The following XAB2 variants were observed in gnomAD, a reference collection of about 807,000 sequenced individuals.
XAB2 encodes the protein pre-mRNA-splicing factor SYF1.
XAB2 carries 57 observed loss-of-function variants against 113.4 expected under a neutral mutation model. The ratio of observed to expected loss-of-function variants is 0.50; its 90% CI spans 0.41 to 0.63. The LOEUF is 0.63. XAB2 is among the 20% of genes least tolerant of loss of function. The pLI, the probability that XAB2 is intolerant of heterozygous loss-of-function variation, is 0.00. For missense variants in XAB2, 1,037 were observed against 1,233.3 expected, an observed-to-expected ratio of 0.84 and a Z score of 2.38; for synonymous variants, 497 against 498.8, an observed-to-expected ratio of 1.00 and a Z score of 0.05.
chr19:7,627,678 C>T lies in XAB2; in HGVS notation c.324+50G>A, dbSNP rs780306112. ...GCCCCTGTCCCCGCCCCACCCACCA[C>T]CATGGACTGAGCTCCACTTCCCGAT... On this transcript the variant is annotated intron_variant, in intron 3 of 18. Coordinates refer to ENST00000358368, the MANE Select transcript of XAB2 (RefSeq NM_020196.3). This position sits in a 1 kb window ranked among gnomAD's most constrained non-coding sequence, Gnocchi z 4.5. 3.7e-6 allele frequency: 6 copies of T among 1,607,456 alleles called. No homozygotes were observed. Among genetic ancestry groups the T allele is most frequent in the African/African-American group, 1.3e-5 (1 of 74,800 alleles).
Position 7,623,403 on chromosome 19 carries a change from A to T in XAB2, c.1120-114T>A. 1 of 1,413,856 alleles carries T rather than the reference A, an allele frequency of 7.1e-7. No homozygotes were observed. Among genetic ancestry groups the T allele is most frequent in the Non-Finnish European group, 9.6e-7 (1 of 1,038,470 alleles). The allele number at this position is 1,413,856 out of a possible 1,614,324, so 87.6% of individuals were successfully genotyped here. A position where few individuals can be genotyped will look rare whatever the true frequency, so the allele number is the denominator to read the frequency against. On this transcript the variant is annotated intron_variant, in intron 8 of 18. Coordinates refer to ENST00000358368, the MANE Select transcript of XAB2 (RefSeq NM_020196.3). This position sits in a 1 kb window ranked among gnomAD's most constrained non-coding sequence, Gnocchi z 4.6. ...GGAGGGTGCTGTGGCCCCTGTCGGG[A>T]GAGGCCAGAAACGAACTATGGCCCT...
chr19:7,628,145 C>T lies in XAB2; in HGVS notation c.200+5G>A, dbSNP rs1430609761. ...GGTGGGCAGGGCAGCTGGAGCCATT[C>T]CCACCTGCAGGGCAGCAGCTTGAGT... On this transcript the variant is annotated splice_donor_5th_base_variant and intron_variant, in intron 2 of 18. Coordinates refer to ENST00000358368, the MANE Select transcript of XAB2 (RefSeq NM_020196.3). The surrounding 1 kb of genome is among the most constrained non-coding windows in gnomAD (Gnocchi z 4.6). 6.2e-7 allele frequency: 1 copy of T among 1,610,844 alleles called. No individual in the cohort carries two copies. Among genetic ancestry groups the T allele is most frequent in the Middle Eastern group, 1.7e-4 (1 of 5,756 alleles).
In XAB2 at chr19:7,619,537, G is replaced by GT. The variant is rs2030977987; in HGVS notation, c.*48dup. 8.1e-6 allele frequency: 11 copies of GT among 1,364,720 alleles called. No individual in the cohort carries two copies. The highest frequency in any genetic ancestry group is 1.1e-5 in the Non-Finnish European group (11 of 1,019,458). 84.5% of individuals were successfully genotyped at this position (1,364,720 alleles called of 1,614,324 possible). The stretch of plus-strand genomic sequence containing the variant: ...GAGGCTCAGACCATGATGTACAAAC[G>GT]TAGCTGTATTGGGGAGGGGGTGGGG... On this transcript the variant is annotated 3_prime_UTR_variant, in exon 19 of 19. Coordinates refer to ENST00000358368, the MANE Select transcript of XAB2 (RefSeq NM_020196.3).
In XAB2 at chr19:7,621,013, G is replaced by A. The variant is rs1246140131; in HGVS notation, c.1804C>T (p.Leu602=). Reference sequence around the variant, plus strand: ...CGGGCCAGGCCCCACTCCTCCTCCAGCTGTGCGTACAGCAGGTACAAGGCT... The same window carrying A: ...CGGGCCAGGCCCCACTCCTCCTCCAACTGTGCGTACAGCAGGTACAAGGCT... ...AKTLYLLYAQ[L]EEEWGLARHA... Residue 602 remains leucine, a synonymous_variant, in exon 14 of 19, where the codon CTG becomes TTG. Transcript: ENST00000358368. 1.9e-6 allele frequency: 3 copies of A among 1,561,020 alleles called. No homozygotes were observed. The highest frequency in any genetic ancestry group is 1.7e-6 in the Non-Finnish European group (2 of 1,154,528).
At position 7,628,957 on chromosome 19, in the gene XAB2, G is replaced by A. The variant is rs2031200393; in HGVS notation, c.51+520C>T. Among the ~76,000 whole-genome samples the A allele has an allele frequency of 6.6e-6, 1 of 152,150 alleles. No homozygotes were observed. The highest frequency in any genetic ancestry group is 6.5e-5 in the Admixed American group (1 of 15,282). Reference sequence around the variant, plus strand: ...ACCAAGAATCTGGTGAAGATGTCACGCCTCTACTCCAGAGAGTAAGTATTT... The same window carrying A: ...ACCAAGAATCTGGTGAAGATGTCACACCTCTACTCCAGAGAGTAAGTATTT... On this transcript the variant is annotated intron_variant, in intron 1 of 18. Coordinates refer to ENST00000358368, the MANE Select transcript of XAB2 (RefSeq NM_020196.3). This position sits in a 1 kb window ranked among gnomAD's most constrained non-coding sequence, Gnocchi z 4.6.
At position 7,627,414 on chromosome 19, in the gene XAB2, G is replaced by A; in HGVS notation, c.351C>T (p.Cys117=). Residue 117 remains cysteine (C), a synonymous_variant, in exon 4 of 19, where the codon TGC becomes TGT. Coordinates refer to ENST00000358368, the MANE Select transcript of XAB2 (RefSeq NM_020196.3). This position sits in a 1 kb window ranked among gnomAD's most constrained non-coding sequence, Gnocchi z 4.5. ...HKMPRLWLDY[C]QFLMDQGRVT... is the part of the protein sequence containing the mutation. ...CGCGCCCCTGGTCCATGAGGAACTG[G>A]CAGTAATCTAGCCACAGACGAGGCA... The A allele has an allele frequency of 6.2e-7, 1 of 1,605,820 alleles. No homozygotes were observed. Among genetic ancestry groups the A allele is most frequent in the East Asian group, 2.2e-5 (1 of 44,580 alleles).
rs748803603 is a variant in XAB2 at position 7,623,091 on chromosome 19, T to G, written c.1239+79A>C. On this transcript the variant is annotated intron_variant, in intron 9 of 18. Coordinates refer to ENST00000358368, the MANE Select transcript of XAB2 (RefSeq NM_020196.3). The surrounding 1 kb of genome is among the most constrained non-coding windows in gnomAD (Gnocchi z 4.6). ...ACGTGCACACATCCATGCACAAATA[T>G]GTACACACACATACATGCACACATA... 167 of 1,586,830 alleles carry G rather than the reference T, an allele frequency of 1.1e-4. No homozygotes were observed. Among genetic ancestry groups the G allele is most frequent in the Non-Finnish European group, 1.4e-4 (160 of 1,166,088 alleles).
chr19:7,623,080 A>G lies in XAB2; in HGVS notation c.1239+90T>C. 2.5e-6 allele frequency: 4 copies of G among 1,578,374 alleles called. No individual in the cohort carries two copies. The highest frequency in any genetic ancestry group is 3.4e-6 in the Non-Finnish European group (4 of 1,161,870). Reference sequence around the variant, plus strand: ...CATGCACACACACGTGCACACATCCATGCACAAATATGTACACACACATAC... The same window carrying G: ...CATGCACACACACGTGCACACATCCGTGCACAAATATGTACACACACATAC... On this transcript the variant is annotated intron_variant, in intron 9 of 18. Transcript: ENST00000358368. This position sits in a 1 kb window ranked among gnomAD's most constrained non-coding sequence, Gnocchi z 4.6.
chr19:7,627,435 A>G lies in XAB2; in HGVS notation c.330T>C (p.Pro110=), dbSNP rs1326788503. The change falls in exon 4 of 19, where the codon CCT becomes CCC. Residue 110 remains proline, a synonymous_variant. Transcript: ENST00000358368. This position sits in a 1 kb window ranked among gnomAD's most constrained non-coding sequence, Gnocchi z 4.5. ...ERAFVFMHKM[P]RLWLDYCQFL... is the part of the protein sequence containing the mutation. ...ACTGGCAGTAATCTAGCCACAGACG[A>G]GGCATCTGGGGGTGTGGGGAGAGGC... is the stretch of plus-strand genomic sequence containing the variant. The G allele has an allele frequency of 6.2e-7, 1 of 1,604,292 alleles. No homozygotes were observed. The highest frequency in any genetic ancestry group is 8.5e-7 in the Non-Finnish European group (1 of 1,176,622).
Position 7,623,742 on chromosome 19 carries a change from G to A in XAB2, c.1108C>T (p.Arg370Cys), listed in dbSNP as rs765190487. Residue 370 changes from arginine (R) to cysteine (C), a missense_variant, in exon 8 of 19, where the codon CGC becomes TGC. Physicochemically the swap from Arg to Cys is radical, Grantham distance 180 (BLOSUM62 -3). Transcript: ENST00000358368. The surrounding 1 kb of genome is among the most constrained non-coding windows in gnomAD (Gnocchi z 4.6). ...CAGGCTTCATGTACCTCCCGGGGGC[G>A]GCCCTGGTGCAGGGCGACACGCTTG... is the stretch of plus-strand genomic sequence containing the variant. ...WHKRVALHQG[R>C]PREIINTYTE... The A allele has an allele frequency of 8.7e-6, 14 of 1,603,588 alleles. No homozygotes were observed. The highest frequency in any genetic ancestry group is 2.2e-5 in the South Asian group (2 of 90,228).
rs764592634 is a variant in XAB2 at position 7,622,816 on chromosome 19, G to A, written c.1317C>T (p.Cys439=). 26 of 1,613,928 alleles carry A rather than the reference G, an allele frequency of 1.6e-5. No homozygotes were observed. The highest frequency in any genetic ancestry group is 1.6e-4 in the Middle Eastern group (1 of 6,084). The change falls in exon 10 of 19, where the codon TGC becomes TGT. Residue 439 remains cysteine (C), a synonymous_variant. Coordinates refer to ENST00000358368, the MANE Select transcript of XAB2 (RefSeq NM_020196.3). ...TCTCGTGTCGGAGCTCCAGCTCTCCGCACTGACACCACACGCTTGCCAGGT... is the reference window on the plus strand; with the variant it reads ...TCTCGTGTCGGAGCTCCAGCTCTCCACACTGACACCACACGCTTGCCAGGT... The part of the protein sequence containing the change: ...VDDLASVWCQ[C]GELELRHENY...
chr19:7,625,471 C>A lies in XAB2; in HGVS notation c.822+409G>T, dbSNP rs548175492. Among the ~76,000 whole-genome samples, 136 of 138,086 alleles carry A rather than the reference C, an allele frequency of 9.8e-4. No individual in the cohort carries two copies. Among genetic ancestry groups the A allele is most frequent in the African/African-American group, 3.5e-3 (129 of 37,178 alleles). 90.6% of individuals were successfully genotyped at this position (138,086 alleles called of 152,430 possible). A position where few individuals can be genotyped will look rare whatever the true frequency, so the allele number is the denominator to read the frequency against. On this transcript the variant is annotated intron_variant, in intron 6 of 18. Coordinates refer to ENST00000358368, the MANE Select transcript of XAB2 (RefSeq NM_020196.3). The surrounding 1 kb of genome is among the most constrained non-coding windows in gnomAD (Gnocchi z 5.2). ...GGATATGCATGTCTGTCAAAAATGG[C>A]ACTTTTTTTTTTTTTTTTTTTTTTT...
At chr19:7,621,851 G>T in intron 12 of XAB2, 2 of 193,412 alleles carry the variant, frequency 1.0e-5, no homozygotes, top group Non-Finnish European at 2.2e-5. Context: ...CTCCCCATGA[G>T]TCATGGGTGC....
rs756670916 is a variant in XAB2, at chr19:7,619,635, T to G, written c.2519A>C (p.Glu840Ala). 1 of 1,603,520 alleles carries G rather than the reference T, an allele frequency of 6.2e-7. No individual in the cohort carries two copies. Among genetic ancestry groups the G allele is most frequent in the African/African-American group, 1.3e-5 (1 of 74,778 alleles). ...CACTGCGGCTGGCACGCTCTGCTGC[T>G]CCAGCCGAACCTCTGTGGGGAAGGC... The part of the protein sequence containing the change: ...MDLEPNEVRL[E>A]QQSVPAAVFG... Residue 840 changes from glutamate (E) to alanine (A), a missense_variant, in exon 19 of 19, where the codon GAG (glutamate) becomes GCG (alanine). Physicochemically the swap from Glu to Ala is moderately radical, Grantham distance 107. Coordinates refer to ENST00000358368, the MANE Select transcript of XAB2 (RefSeq NM_020196.3).
chr19:7,619,989 G>A lies in XAB2; in HGVS notation c.2353C>T (p.Arg785Cys), dbSNP rs775210977. ...RAEQLAAEAERDQPLRAQSKI... is the reference protein window; with the variant it reads ...RAEQLAAEAECDQPLRAQSKI... ...CTCTGGGCGCGCAAGGGCTGGTCACGCTCCGCCTCAGCCGCCAGCTGCTCT... is the reference window on the plus strand; with the variant it reads ...CTCTGGGCGCGCAAGGGCTGGTCACACTCCGCCTCAGCCGCCAGCTGCTCT... Residue 785 changes from arginine to cysteine, a missense_variant, in exon 17 of 19, where the codon CGT (arginine) becomes TGT (cysteine). Arg to Cys is a radical substitution (Grantham distance 180, BLOSUM62 -3). Coordinates refer to ENST00000358368, the MANE Select transcript of XAB2 (RefSeq NM_020196.3). The A allele has an allele frequency of 1.5e-4, 249 of 1,612,086 alleles. No individual in the cohort carries two copies. Among genetic ancestry groups the A allele is most frequent in the Non-Finnish European group, 2.0e-4 (235 of 1,179,970 alleles).
Position 7,623,977 on chromosome 19 carries a change from C to G in XAB2, c.968-95G>C, listed in dbSNP as rs557292711. The G allele has an allele frequency of 7.1e-7, 1 of 1,411,484 alleles. No individual in the cohort carries two copies. Among genetic ancestry groups the G allele is most frequent in the Non-Finnish European group, 9.4e-7 (1 of 1,064,412 alleles). 87.4% of individuals were successfully genotyped at this position (1,411,484 alleles called of 1,614,324 possible). Reference sequence around the variant, plus strand: ...ACTCCCCACCCTCACTCCGCTCCAGCCCCCAGCCAAGTGCTCTGGGCCCTA... The same window carrying G: ...ACTCCCCACCCTCACTCCGCTCCAGGCCCCAGCCAAGTGCTCTGGGCCCTA... On this transcript the variant is annotated intron_variant, in intron 7 of 18. Transcript: ENST00000358368. The surrounding 1 kb of genome is among the most constrained non-coding windows in gnomAD (Gnocchi z 4.6).
rs141253734 is a variant in XAB2 at position 7,621,204 on chromosome 19, G to A, written c.1711C>T (p.Arg571Cys). 6.3e-5 allele frequency: 101 copies of A among 1,613,066 alleles called. No individual in the cohort carries two copies. Among genetic ancestry groups the A allele is most frequent in the African/African-American group, 4.4e-4 (33 of 74,986 alleles). The change falls in exon 13 of 19, where the codon CGC becomes TGC. Residue 571 changes from arginine (R) to cysteine (C), a missense_variant. By Grantham distance (180) the Arg-to-Cys change is radical. Coordinates refer to ENST00000358368, the MANE Select transcript of XAB2 (RefSeq NM_020196.3). ...LTKFIARYGG[R>C]KLERARDLFE... ...AGGTCCCGTGCCCGCTCCAGCTTGC[G>A]GCCCCCATAGCGGGCAATGAATTTG...
At position 7,619,925 on chromosome 19, in the gene XAB2, C is replaced by T. The variant is rs1222199327; in HGVS notation, c.2396+21G>A. ...CTTGGGACCTGTCCCAGTCCTGTCCCGTCCAAGGATCCGCCCTCACCTCAC... is the reference window on the plus strand; with the variant it reads ...CTTGGGACCTGTCCCAGTCCTGTCCTGTCCAAGGATCCGCCCTCACCTCAC... On this transcript the variant is annotated intron_variant, in intron 17 of 18. Coordinates refer to ENST00000358368, the MANE Select transcript of XAB2 (RefSeq NM_020196.3). The T allele has an allele frequency of 2.0e-5, 32 of 1,609,900 alleles. No homozygotes were observed. In the East Asian group the frequency reaches 3.6e-4, roughly 18 times the overall value.
rs768997779 is a variant in XAB2, at chr19:7,619,829, T to C, written c.2424A>G (p.Ala808=). ...VRSDASREEL[A]ELAQQVNPEE... ...CGGGGTTGACCTGCTGTGCCAGCTCTGCCAGCTCCTCCCGGGAGGCGTCAC... is the reference window on the plus strand; with the variant it reads ...CGGGGTTGACCTGCTGTGCCAGCTCCGCCAGCTCCTCCCGGGAGGCGTCAC... The change falls in exon 18 of 19, where the codon GCA becomes GCG. Residue 808 remains alanine (A), a synonymous_variant. Transcript: ENST00000358368. 6.2e-7 allele frequency: 1 copy of C among 1,613,080 alleles called. No individual in the cohort carries two copies. The highest frequency in any genetic ancestry group is 8.5e-7 in the Non-Finnish European group (1 of 1,179,942).
Sources: allele counts gnomAD v4.1 joint callset (sites outside exome capture counted in the v4.1 genomes callset), GRCh38; gene constraint gnomAD v4.1.1; non-coding constraint Gnocchi (gnomAD v3.1); transcripts MANE v1.5; gene names NCBI Gene and HGNC (gene_info 2026-07-23, HGNC 2026-07-21).